The following ATG10 variants were observed in gnomAD, a reference collection of about 807,000 sequenced individuals.
ATG10 encodes the protein autophagy related 10, also known as ubiquitin-like-conjugating enzyme ATG10.
ATG10 carries 30 observed loss-of-function variants against 32.1 expected under a neutral mutation model. The observed-to-expected ratio is 0.94, with a 90% CI of 0.70 to 1.27. ATG10 has a LOEUF of 1.27. Among genes scored for constraint, ATG10 ranks in the 50% most tolerant of loss-of-function variants. ATG10 has a pLI of 0.00. For missense variants in ATG10, 233 were observed against 262.3 expected, an observed-to-expected ratio of 0.89 and a Z score of 0.77; for synonymous variants, 87 against 91.5, an observed-to-expected ratio of 0.95 and a Z score of 0.28.
rs183020910 is a variant in ATG10 at position 82,002,389 on chromosome 5, C to G, written c.108+14711C>G. Among the ~76,000 whole-genome samples the G allele has an allele frequency of 1.1e-4, 17 of 152,208 alleles. No homozygotes were observed. The East Asian group carries it at 3.3e-3, about 29-fold the overall frequency. ...TTCACAATAACAGAGACATAGAATC[C>G]TAAATGCCCATCAACAGTAGACTGG... On this transcript the variant is annotated intron_variant, in intron 2 of 7. Transcript: ENST00000282185.
At position 82,046,960 on chromosome 5, in the gene ATG10, G is replaced by T. The variant is rs950621566; in HGVS notation, c.109-11535G>T. Among the ~76,000 whole-genome samples, 5 of 151,188 alleles carry T rather than the reference G, an allele frequency of 3.3e-5. No individual in the cohort carries two copies. The South Asian group carries it at 1.0e-3, about 32-fold the overall frequency. ...AAATCCAGAAATCAAGATGAAGAAG[G>T]CCAACATTTAGGTCATCTGTGTTTT... On this transcript the variant is annotated intron_variant, in intron 2 of 7. Transcript: ENST00000282185.
At chr5:82,173,792 G>A (rs182634740) in intron 4 of ATG10, among the ~76,000 whole-genome samples, 1 of 152,274 alleles carries the variant, frequency 6.6e-6, no homozygotes, top group African/African-American at 2.4e-5. Context: ...GAGGCCAGAT[G>A]TAAAAAAATA....
intron 3 of ATG10, chr5:82,147,851 A>G (rs953238508): frequency 6.6e-6 from 1 of 152,486 alleles, no homozygotes; most frequent in African/African-American, 2.4e-5. Flanking sequence ...CCTTGTGCCA[A>G]CACCACCACC....
At chr5:82,225,643 A>G (rs996720390) in intron 5 of ATG10, among the ~76,000 whole-genome samples, 3 of 152,184 alleles carry the variant, frequency 2.0e-5, no homozygotes, top group African/African-American at 7.2e-5. Context: ...CTGCTGCCTT[A>G]ACCGATGCCA....
intron 3 of ATG10, among the ~76,000 whole-genome samples, chr5:82,129,999 C>A (rs1249614061): frequency 6.6e-6 from 1 of 152,176 alleles, no homozygotes; most frequent in African/African-American, 2.4e-5. Flanking sequence ...CATCTATAAG[C>A]CCCTGACTGG....
rs562818036 is a variant in ATG10 at position 82,098,121 on chromosome 5, A to G, written c.216+39519A>G. 2.6e-5 allele frequency among the ~76,000 whole-genome samples: 4 copies of G among 152,280 alleles called. No individual in the cohort carries two copies. The South Asian group carries it at 8.3e-4, about 32-fold the overall frequency. ...GCCAAGGCTCTCAAAAGCTAAAGCC[A>G]GGTAAAGGTGTTAGGTACTTTTAAT... On this transcript the variant is annotated intron_variant, in intron 3 of 7. Transcript: ENST00000282185.
chr5:82,044,061 A>G (rs1275066835), intron 2 of ATG10, among the ~76,000 whole-genome samples: 1 of 152,088 alleles, frequency 6.6e-6, no homozygotes, highest in African/African-American at 2.4e-5. Flanking sequence ...ACACTGCTAT[A>G]AAGAACTACC....
chr5:82,155,463 A>G (rs1408491463), intron 3 of ATG10, among the ~76,000 whole-genome samples: 1 of 152,180 alleles, frequency 6.6e-6, no homozygotes, highest in Non-Finnish European at 1.5e-5. Flanking sequence ...GTTTTTGTAA[A>G]TAAAATGTCA....
intron 3 of ATG10, among the ~76,000 whole-genome samples, chr5:82,110,517 T>C (rs531973302): frequency 1.3e-3 from 191 of 152,306 alleles, no homozygotes; most frequent in African/African-American, 4.4e-3. Context: ...TGGTATCTCA[T>C]TGTGGTTTTG....
At chr5:82,014,895 G>T (rs533302266) in intron 2 of ATG10, among the ~76,000 whole-genome samples, 1 of 152,138 alleles carries the variant, frequency 6.6e-6, no homozygotes, top group Non-Finnish European at 1.5e-5. Flanking sequence ...GATTTTGCTC[G>T]TTAGTTGATG....
At chr5:82,020,140 G>A (rs1290384940) in intron 2 of ATG10, among the ~76,000 whole-genome samples, 3 of 152,230 alleles carry the variant, frequency 2.0e-5, no homozygotes, top group African/African-American at 7.2e-5. Flanking sequence ...GACTGTGACT[G>A]CATCCAGTTA....
chr5:81,993,432 T>TTTTCTTTTCTTTTCTTTTCTTTCC (rs1761566038), intron 2 of ATG10, among the ~76,000 whole-genome samples: 1 of 139,058 alleles, frequency 7.2e-6, no homozygotes, highest in African/African-American at 2.7e-5. Context: ...TCTTTCCTTC[T>TTTTCTTTTCTTTTCTTTTCTTTCC]TTCTTTCTTT....
chr5:81,974,604 T>G (rs1188259854), intron 1 of ATG10, among the ~76,000 whole-genome samples: 1 of 152,190 alleles, frequency 6.6e-6, no homozygotes, highest in Admixed American at 6.5e-5. Flanking sequence ...GGTTTTTTGG[T>G]TTCTTCTTTT....
chr5:82,049,985 G>T (rs1763356185), intron 2 of ATG10, among the ~76,000 whole-genome samples: 2 of 151,958 alleles, frequency 1.3e-5, no homozygotes, highest in Non-Finnish European at 2.9e-5. Flanking sequence ...ATAATACATA[G>T]AGATATAAAG....
chr5:82,130,105 C>T (rs954076468), intron 3 of ATG10, among the ~76,000 whole-genome samples: 7 of 152,306 alleles, frequency 4.6e-5, no homozygotes, highest in South Asian at 2.1e-4. Flanking sequence ...CGGCGGGCTC[C>T]GCCCAGTTTG....
intron 5 of ATG10, among the ~76,000 whole-genome samples, chr5:82,229,656 C>T (rs185071220): frequency 2.3e-3 from 349 of 152,282 alleles, no homozygotes; most frequent in Non-Finnish European, 3.6e-3. Flanking sequence ...GGCACAGAAT[C>T]TGAGTAAGTT....
chr5:82,191,063 G>A (rs779786230), intron 5 of ATG10, among the ~76,000 whole-genome samples: 4 of 152,136 alleles, frequency 2.6e-5, no homozygotes, highest in Non-Finnish European at 5.9e-5. Flanking sequence ...ATTCTAAGAT[G>A]CCAGCAGTGT....
At chr5:81,983,744 G>C (rs1019977750) in intron 1 of ATG10, among the ~76,000 whole-genome samples, 2 of 150,238 alleles carry the variant, frequency 1.3e-5, no homozygotes, top group Middle Eastern at 3.2e-3. Flanking sequence ...TCACTTCTCA[G>C]ACAGGGCGGC....
rs563527333 is a variant in ATG10 at position 81,972,804 on chromosome 5, G to C, written c.-13+498G>C. ...AAAACCTATAAAATCAAGAATTGGC[G>C]GGGAGGACCGGAGAATGATAAAGGA... On this transcript the variant is annotated intron_variant, in intron 1 of 7. Transcript: ENST00000282185. 3.9e-5 allele frequency among the ~76,000 whole-genome samples: 6 copies of C among 152,086 alleles called. No individual in the cohort carries two copies. In the South Asian group the frequency reaches 1.2e-3, roughly 32 times the overall value.
Sources: gnomAD v4.1 joint callset for allele counts (sites outside exome capture counted in the v4.1 genomes callset) on GRCh38, gnomAD v4.1.1 for gene constraint, MANE v1.5 for transcripts, NCBI Gene and HGNC (gene_info 2026-07-23, HGNC 2026-07-21) for gene names.